KCND3: variants seen among roughly 807,000 people sequenced by gnomAD.
KCND3 encodes A-type voltage-gated potassium channel KCND3.
A neutral mutation model predicts 51.1 loss-of-function variants in KCND3; 9 were observed. That is an observed-to-expected ratio of 0.18 (90% CI 0.11 to 0.31). The LOEUF is 0.31. Among genes scored for constraint, KCND3 ranks in the 10% least tolerant of loss-of-function variants. The probability of loss-of-function intolerance (pLI) is 1.00; values close to 1 mark genes in which losing one functional copy is unlikely to be tolerated. For missense variants in KCND3, 526 were observed against 903.8 expected (o/e 0.58, Z 5.36); for synonymous variants, 349 against 368.0 (o/e 0.95, Z 0.59).
At chr1:111,902,188 C>T (rs1444869468) in intron 2 of KCND3, among the ~76,000 whole-genome samples, 1 of 152,188 alleles carries the variant, frequency 6.6e-6, no homozygotes, top group East Asian at 1.9e-4. Context: ...AGGGGGCAGC[C>T]AATCCCAAAG....
chr1:111,969,500 T>C (rs1674206121), intron 2 of KCND3, among the ~76,000 whole-genome samples: 1 of 152,080 alleles, frequency 6.6e-6, no homozygotes, highest in Non-Finnish European at 1.5e-5. Flanking sequence ...AATCCCAAAT[T>C]CTCCACTGAT....
intron 2 of KCND3, among the ~76,000 whole-genome samples, chr1:111,825,671 T>C (rs945458785): frequency 9.9e-5 from 15 of 152,236 alleles, no homozygotes; most frequent in African/African-American, 3.6e-4. Context: ...CACCCAAAGA[T>C]ACCATCATTG....
Position 111,780,393 on chromosome 1 carries a change from G to A in KCND3, c.1372-79C>T, listed in dbSNP as rs1039350683. ...CAGCTCCTTCATTTCTCCACTAAAG[G>A]TCAAAGGGCAATAGAATAATCAAAT... On this transcript the variant is annotated intron_variant, in intron 4 of 7. Coordinates refer to ENST00000302127, the MANE Select transcript of KCND3 (RefSeq NM_001378969.1). This position sits in a 1 kb window ranked among gnomAD's most constrained non-coding sequence, Gnocchi z 4.2. 3 of 1,312,068 alleles carry A rather than the reference G, an allele frequency of 2.3e-6. No individual in the cohort carries two copies. The highest frequency in any genetic ancestry group is 2.2e-6 in the Non-Finnish European group (2 of 929,060). The allele number at this position is 1,312,068 out of a possible 1,614,324, so 81.3% of individuals were successfully genotyped here. A position where few individuals can be genotyped will look rare whatever the true frequency, so the allele number is the denominator to read the frequency against.
intron 2 of KCND3, among the ~76,000 whole-genome samples, chr1:111,813,480 A>C (rs1665948154): frequency 6.6e-6 from 1 of 152,176 alleles, no homozygotes; most frequent in Non-Finnish European, 1.5e-5. Flanking sequence ...TCTTCACATC[A>C]TAGCACATGT....
At chr1:111,966,191 G>A (rs1335038274) in intron 2 of KCND3, among the ~76,000 whole-genome samples, 1 of 152,144 alleles carries the variant, frequency 6.6e-6, no homozygotes, top group African/African-American at 2.4e-5. Flanking sequence ...AGCCCTCTGT[G>A]ATCATTTAAT....
At chr1:111,970,078 G>T (rs1328131128) in intron 2 of KCND3, among the ~76,000 whole-genome samples, 1 of 151,298 alleles carries the variant, frequency 6.6e-6, no homozygotes, top group Non-Finnish European at 1.5e-5. Flanking sequence ...ATGCAATGGC[G>T]CGATCTCAGC....
Position 111,982,882 on chromosome 1 carries a change from GT to G in KCND3, c.-72-85del. On this transcript the variant is annotated intron_variant, in intron 1 of 7. Transcript: ENST00000302127. The surrounding 1 kb of genome is among the most constrained non-coding windows in gnomAD (Gnocchi z 8.5). ...AATGGGACACAGGAAAGGATCACTG[GT>G]GAGTGAAACGGCCAAAGTCTCCAGG... 1 of 1,088,624 alleles carries G rather than the reference GT, an allele frequency of 9.2e-7. No individual in the cohort carries two copies. The highest frequency in any genetic ancestry group is 1.3e-6 in the Non-Finnish European group (1 of 749,988). 67.4% of individuals were successfully genotyped at this position (1,088,624 alleles called of 1,614,324 possible).
In KCND3 at chr1:111,776,184, G is replaced by C. The variant is rs752495973; in HGVS notation, c.1861C>G (p.Pro621Ala). ...TTAIISIPTPPALTPEGESRP... is the reference protein window; with the variant it reads ...TTAIISIPTPAALTPEGESRP... Reference sequence around the variant, plus strand: ...CTTTCCCCCTCTGGGGTTAGCGCTGGGGGAGTGGGGATGCTGATGATGGCT... The same window carrying C: ...CTTTCCCCCTCTGGGGTTAGCGCTGCGGGAGTGGGGATGCTGATGATGGCT... Residue 621 changes from proline to alanine, a missense_variant, in exon 8 of 8, where the codon CCA (proline) becomes GCA (alanine). This residue lies in a region of KCND3 where 266 missense variants were observed against 305.5 expected (regional missense o/e 0.87). Transcript: ENST00000302127. 8.1e-6 allele frequency: 13 copies of C among 1,614,110 alleles called. No individual in the cohort carries two copies. The highest frequency in any genetic ancestry group is 1.1e-5 in the Non-Finnish European group (13 of 1,180,044).
intron 2 of KCND3, among the ~76,000 whole-genome samples, chr1:111,959,883 G>A (rs1216160070): frequency 6.6e-6 from 1 of 152,088 alleles, no homozygotes; most frequent in East Asian, 1.9e-4. Flanking sequence ...TATGTTGTGA[G>A]AGCGACCTGG....
intron 1 of KCND3, among the ~76,000 whole-genome samples, chr1:111,988,269 A>C (rs1341173363): frequency 6.6e-6 from 1 of 152,158 alleles, no homozygotes; most frequent in Non-Finnish European, 1.5e-5. Context: ...TGACAAGGTG[A>C]ACCAAGCTGG....
chr1:111,897,057 G>A (rs1670148470), intron 2 of KCND3, among the ~76,000 whole-genome samples: 1 of 152,234 alleles, frequency 6.6e-6, no homozygotes, highest in South Asian at 2.1e-4. Flanking sequence ...TATTCCCAGG[G>A]CTTAGCACAC....
intron 2 of KCND3, among the ~76,000 whole-genome samples, chr1:111,867,159 C>T (rs1668618436): frequency 1.3e-5 from 2 of 152,198 alleles, no homozygotes; most frequent in South Asian, 2.1e-4. Context: ...CAATGCCCAC[C>T]CCACAGTAAG....
At chr1:111,841,394 G>C (rs114223583) in intron 2 of KCND3, among the ~76,000 whole-genome samples, 2,631 of 152,144 alleles carry the variant, frequency 0.017, 71 homozygotes, top group African/African-American at 0.058. Context: ...ATGTTAACTT[G>C]TTTGACCACT....
intron 5 of KCND3, 112 bp from the exon 6 acceptor site, chr1:111,778,604 T>A (rs1439328020): frequency 4.0e-6 from 4 of 1,009,566 alleles, no homozygotes; most frequent in Non-Finnish European, 4.7e-6. Flanking sequence ...ACCCTTTGAG[T>A]CAAACATTCC....
At position 111,982,849 on chromosome 1, in the gene KCND3, A is replaced by G; in HGVS notation, c.-72-51T>C. 7.3e-7 allele frequency: 1 copy of G among 1,361,360 alleles called. No individual in the cohort carries two copies. The highest frequency in any genetic ancestry group is 1.0e-6 in the Non-Finnish European group (1 of 992,006). The allele number at this position is 1,361,360 out of a possible 1,614,324, so 84.3% of individuals were successfully genotyped here. A position where few individuals can be genotyped will look rare whatever the true frequency, so the allele number is the denominator to read the frequency against. ...AAGCGGTGAGTCCATATCGACTGGC[A>G]GGTAAGAAATGGGACACAGGAAAGG... On this transcript the variant is annotated intron_variant, in intron 1 of 7. Transcript: ENST00000302127. The surrounding 1 kb of genome is among the most constrained non-coding windows in gnomAD (Gnocchi z 8.5).
At chr1:111,837,404 GTTA>G (rs1667113824) in intron 2 of KCND3, among the ~76,000 whole-genome samples, 1 of 152,232 alleles carries the variant, frequency 6.6e-6, no homozygotes, top group South Asian at 2.1e-4. Flanking sequence ...TTTTTGAGTA[GTTA>G]TTATGTGCCA....
chr1:111,837,571 G>A (rs1166704718), intron 2 of KCND3, among the ~76,000 whole-genome samples: 1 of 152,162 alleles, frequency 6.6e-6, no homozygotes, highest in Non-Finnish European at 1.5e-5. Flanking sequence ...GGAAGTTTTG[G>A]CTCAGAGTTG....
At chr1:111,971,186 A>C (rs1029172970) in intron 2 of KCND3, among the ~76,000 whole-genome samples, 1 of 152,080 alleles carries the variant, frequency 6.6e-6, no homozygotes, top group Admixed American at 6.5e-5. Context: ...CCCATGTGCC[A>C]TCCACATGCC....
At chr1:111,837,445 T>G (rs1183860502) in intron 2 of KCND3, among the ~76,000 whole-genome samples, 1 of 152,224 alleles carries the variant, frequency 6.6e-6, no homozygotes, top group Non-Finnish European at 1.5e-5. Context: ...CATGGCTCTA[T>G]GAGGTAGCTA....
Sources: gnomAD v4.1 joint callset for allele counts (sites outside exome capture counted in the v4.1 genomes callset) on GRCh38, gnomAD v4.1.1 for gene constraint, gnomAD v4.1.1 regional missense constraint, Gnocchi (gnomAD v3.1) non-coding constraint, MANE v1.5 for transcripts, NCBI Gene and HGNC (gene_info 2026-07-23, HGNC 2026-07-21) for gene names.